Variants in ZNF714 observed in about 807,000 individuals in gnomAD.
ZNF714 encodes the protein zinc finger protein 714.
A neutral mutation model predicts 46.2 loss-of-function variants in ZNF714; 32 were observed. The observed-to-expected ratio is 0.69, with a 90% CI of 0.52 to 0.93. The LOEUF (loss-of-function observed/expected upper bound fraction) is 0.93, where lower values mean the gene tolerates loss of function less well. Among genes scored for constraint, ZNF714 ranks in the 40% least tolerant of loss-of-function variants. ZNF714 has a pLI of 0.00. For synonymous variants in ZNF714, 199 were observed against 213.1 expected, an observed-to-expected ratio of 0.93 and a Z score of 0.58; for missense variants, 635 against 646.3, an observed-to-expected ratio of 0.98 and a Z score of 0.19.
At chr19:21,090,966 C>A (rs1291110668) in intron 2 of ZNF714, 3 of 148,852 alleles carry the variant, frequency 2.0e-5, no homozygotes, top group Non-Finnish European at 4.4e-5. Flanking sequence ...CTCACTGCAA[C>A]CTCCGCCTCC....
Position 21,117,185 on chromosome 19 carries a change from A to C in ZNF714, c.521A>C (p.Gln174Pro), listed in dbSNP as rs1349560763. The C allele has an allele frequency of 3.1e-6, 5 of 1,613,970 alleles. No individual in the cohort carries two copies. The highest frequency in any genetic ancestry group is 4.2e-6 in the Non-Finnish European group (5 of 1,179,964). The change falls in exon 5 of 5, where the codon CAA (glutamine) becomes CCA (proline). Residue 174 changes from glutamine (Q) to proline (P), a missense_variant. Coordinates refer to ENST00000456283, the MANE Select transcript of ZNF714 (RefSeq NM_182515.4). Reference sequence around the variant, plus strand: ...ATTCATATTAGAGAGAATTCTTACCAATGTGAAGAATGTGACAAAGTGTTT... The same window carrying C: ...ATTCATATTAGAGAGAATTCTTACCCATGTGAAGAATGTGACAAAGTGTTT... ...KRIHIRENSY[Q>P]CEECDKVFKR...
chr19:21,096,545 T>A (rs767960229), intron 2 of ZNF714, among the ~76,000 whole-genome samples: 2 of 152,240 alleles, frequency 1.3e-5, no homozygotes, highest in Non-Finnish European at 2.9e-5. Context: ...CACATACTTT[T>A]AAAAATTCTT....
In ZNF714 at chr19:21,082,435, C is replaced by G. The variant is rs1230390427; in HGVS notation, c.-177+87C>G. 2.3e-6 allele frequency: 3 copies of G among 1,307,660 alleles called. No homozygotes were observed. The African/African-American group carries it at 4.3e-5, about 19-fold the overall frequency. The allele number at this position is 1,307,660 out of a possible 1,614,324, so 81.0% of individuals were successfully genotyped here. On this transcript the variant is annotated intron_variant, in intron 1 of 4. Coordinates refer to ENST00000456283, the MANE Select transcript of ZNF714 (RefSeq NM_182515.4). ...GTGGCTGTGGTGGGACTTAGGCCTC[C>G]CCGCAGTCAACTCTACAATCTGCGC...
Position 21,117,368 on chromosome 19 carries a change from G to A in ZNF714, c.704G>A (p.Gly235Asp). The A allele has an allele frequency of 6.2e-7, 1 of 1,612,568 alleles. No individual in the cohort carries two copies. The highest frequency in any genetic ancestry group is 2.2e-5 in the East Asian group (1 of 44,794). Residue 235 changes from glycine (G) to aspartate (D), a missense_variant, in exon 5 of 5, where the codon GGC (glycine) becomes GAC (aspartate). Physicochemically the swap from Gly to Asp is moderately conservative, Grantham distance 94 (BLOSUM62 -1). Transcript: ENST00000456283. ...GEKPYRCEEC[G>D]KAFYHSSHLT... ...AAACCCTACAGATGTGAAGAATGTG[G>A]CAAAGCCTTCTACCATTCTTCACAC...
At chr19:21,106,308 G>A (rs898459018) in intron 4 of ZNF714, among the ~76,000 whole-genome samples, 11 of 151,688 alleles carry the variant, frequency 7.3e-5, no homozygotes, top group African/African-American at 1.5e-4. Context: ...GGTGGCTCAC[G>A]CTTGTAATCC....
chr19:21,118,193 C>G lies in ZNF714; in HGVS notation c.1529C>G (p.Ala510Gly). The change falls in exon 5 of 5, where the codon GCC becomes GGC. Residue 510 changes from alanine to glycine, a missense_variant. Coordinates refer to ENST00000456283, the MANE Select transcript of ZNF714 (RefSeq NM_182515.4). The part of the protein sequence containing the change: ...RKIQQGMVAH[A>G]CNPNTLRGLG... ...ATTCAGCAGGGCATGGTGGCTCATG[C>G]CTGTAATCCCAACACTTTGAGAGGA... 6.2e-7 allele frequency: 1 copy of G among 1,607,210 alleles called. No homozygotes were observed. Among genetic ancestry groups the G allele is most frequent in the Non-Finnish European group, 8.5e-7 (1 of 1,176,256 alleles).
chr19:21,116,718 A>G, intron 4 of ZNF714, 89 bp from the exon 5 acceptor site: 2 of 1,391,574 alleles, frequency 1.4e-6, no homozygotes, highest in Non-Finnish European at 1.9e-6. Context: ...CATCTTGCTT[A>G]TGTAGTTTGT....
At chr19:21,086,371 G>T (rs1389514338) in intron 2 of ZNF714, among the ~76,000 whole-genome samples, 2 of 152,086 alleles carry the variant, frequency 1.3e-5, no homozygotes, top group Non-Finnish European at 2.9e-5. Context: ...TAAAATAATG[G>T]CTTACTCCAT....
At chr19:21,096,427 A>G (rs927051461) in intron 2 of ZNF714, among the ~76,000 whole-genome samples, 1 of 152,204 alleles carries the variant, frequency 6.6e-6, no homozygotes, top group African/African-American at 2.4e-5. Context: ...AGCTAAACAT[A>G]TCTCAGATCA....
Position 21,117,551 on chromosome 19 carries a change from G to A in ZNF714, c.887G>A (p.Arg296Gln), listed in dbSNP as rs771523308. ...KCEECDKAFN[R>Q]FSYLTKHKII... ...GAAGAATGTGACAAAGCTTTTAACC[G>A]ATTCTCATACCTTACTAAACATAAG... The change falls in exon 5 of 5, where the codon CGA becomes CAA. Residue 296 changes from arginine to glutamine, a missense_variant. By Grantham distance (43) the Arg-to-Gln change is conservative. Transcript: ENST00000456283. 12 of 1,605,384 alleles carry A rather than the reference G, an allele frequency of 7.5e-6. No individual in the cohort carries two copies. The highest frequency in any genetic ancestry group is 5.4e-5 in the African/African-American group (4 of 74,568).
At chr19:21,111,870 T>C (rs1969456265) in intron 4 of ZNF714, among the ~76,000 whole-genome samples, 1 of 152,208 alleles carries the variant, frequency 6.6e-6, no homozygotes. Flanking sequence ...TCTGTTTATG[T>C]GATGAATTAT....
rs371635534 is a variant in ZNF714 at position 21,114,799 on chromosome 19, A to G, written c.143-2008A>G. On this transcript the variant is annotated intron_variant, in intron 4 of 4. Transcript: ENST00000456283. ...GGCTGGTAATGGTTTTTTTCTTCCC[A>G]TATTTAGTGCTTCCTTAATAGCTCT... Among the ~76,000 whole-genome samples the G allele has an allele frequency of 3.3e-5, 5 of 152,112 alleles. No homozygotes were observed. In the East Asian group the frequency reaches 7.7e-4, roughly 24 times the overall value.
intron 4 of ZNF714, among the ~76,000 whole-genome samples, chr19:21,099,281 G>A (rs1969116178): frequency 6.6e-6 from 1 of 151,960 alleles, no homozygotes; most frequent in Non-Finnish European, 1.5e-5. Context: ...TGGGTTCGAC[G>A]ATTTTCCTGC....
chr19:21,114,910 CTT>C (rs1434651964), intron 4 of ZNF714, among the ~76,000 whole-genome samples: 1 of 152,070 alleles, frequency 6.6e-6, no homozygotes, highest in Non-Finnish European at 1.5e-5. Context: ...GTTACAAAGA[CTT>C]AGTAGTGTTA....
intron 4 of ZNF714, among the ~76,000 whole-genome samples, chr19:21,100,694 T>C (rs1280482701): frequency 6.6e-6 from 1 of 152,204 alleles, no homozygotes; most frequent in Non-Finnish European, 1.5e-5. Context: ...ATTTACTGAC[T>C]GTATTTATTA....
chr19:21,105,604 T>C lies in ZNF714; in HGVS notation c.142+6694T>C, dbSNP rs138403929. On this transcript the variant is annotated intron_variant, in intron 4 of 4. Transcript: ENST00000456283. ...CAAGTTTTTTTTCTAAGAGATTCGC[T>C]AGTTTTTTGTTTTTTTGTTTTTCTG... 5.3e-5 allele frequency among the ~76,000 whole-genome samples: 8 copies of C among 152,122 alleles called. No homozygotes were observed. The East Asian group carries it at 1.5e-3, about 29-fold the overall frequency.
chr19:21,082,788 G>A (rs1215464335), intron 1 of ZNF714, among the ~76,000 whole-genome samples: 1 of 152,174 alleles, frequency 6.6e-6, no homozygotes, highest in East Asian at 1.9e-4. Flanking sequence ...TTCAAAAATT[G>A]TGGAGCACCC....
intron 4 of ZNF714, among the ~76,000 whole-genome samples, chr19:21,107,851 T>G (rs1429023736): frequency 6.6e-6 from 1 of 152,144 alleles, no homozygotes; most frequent in African/African-American, 2.4e-5. Flanking sequence ...TATTCTTGGA[T>G]TTGCCAGTTT....
At chr19:21,092,689 A>C (rs1201649286) in intron 2 of ZNF714, among the ~76,000 whole-genome samples, 1 of 151,884 alleles carries the variant, frequency 6.6e-6, no homozygotes, top group Non-Finnish European at 1.5e-5. Flanking sequence ...CTGAGGTACT[A>C]AGCATAACAC....
Sources: allele counts gnomAD v4.1 joint callset (sites outside exome capture counted in the v4.1 genomes callset), GRCh38; gene constraint gnomAD v4.1.1; transcripts MANE v1.5; gene names NCBI Gene and HGNC (gene_info 2026-07-23, HGNC 2026-07-21).